The following CDH22 variants were observed in gnomAD, a reference collection of about 807,000 sequenced individuals.
The protein encoded by CDH22 is cadherin-22.
Under a neutral mutation model 58.4 loss-of-function variants are expected in CDH22, and 30 were observed. That is an observed-to-expected ratio of 0.51 (90% CI 0.38 to 0.70). The LOEUF (loss-of-function observed/expected upper bound fraction) is 0.70, where lower values mean the gene tolerates loss of function less well. Among genes scored for constraint, CDH22 ranks in the 30% least tolerant of loss-of-function variants. The pLI, the probability that CDH22 is intolerant of heterozygous loss-of-function variation, is 0.00. For missense variants in CDH22, 1,014 were observed against 1,233.9 expected, an observed-to-expected ratio of 0.82 and a Z score of 2.67; for synonymous variants, 513 against 558.2, an observed-to-expected ratio of 0.92 and a Z score of 1.14.
chr20:46,233,790 A>G (rs1002157214), intron 3 of CDH22, among the ~76,000 whole-genome samples: 6 of 152,222 alleles, frequency 3.9e-5, no homozygotes, highest in African/African-American at 1.4e-4. Context: ...CCCCACCAGA[A>G]GCCTCCTGTC....
chr20:46,175,787 A>AAGACCTGC (rs1436022794), intron 11 of CDH22, among the ~76,000 whole-genome samples: 1 of 152,230 alleles, frequency 6.6e-6, no homozygotes, highest in Non-Finnish European at 1.5e-5. Flanking sequence ...GTGTTTTAAC[A>AAGACCTGC]AGACCTGCAG....
At position 46,272,963 on chromosome 20, in the gene CDH22, A is replaced by C. The variant is rs117258211; in HGVS notation, c.-399-21270T>G. 6.4e-3 allele frequency among the ~76,000 whole-genome samples: 974 copies of C among 152,314 alleles called. 2 individuals carry two copies. The highest frequency in any genetic ancestry group is 0.01 in the Non-Finnish European group (697 of 68,034). ...TCTGCATATGGCTGTGGGTGTTACC[A>C]TTCTGTGATTAAATAAAATTAAAGG... On this transcript the variant is annotated intron_variant, in intron 1 of 11. Coordinates refer to ENST00000537909, the MANE Select transcript of CDH22 (RefSeq NM_021248.3).
rs548132632 is a variant in CDH22 at position 46,277,506 on chromosome 20, C to T, written c.-399-25813G>A. On this transcript the variant is annotated intron_variant, in intron 1 of 11. Coordinates refer to ENST00000537909, the MANE Select transcript of CDH22 (RefSeq NM_021248.3). ...ATTTTTGTTTGGCTTTTTTCTCTAT[C>T]GTTCTTTGTTTTAACTAATAAACGT... is the stretch of plus-strand genomic sequence containing the variant. Among the ~76,000 whole-genome samples the T allele has an allele frequency of 5.9e-5, 9 of 152,196 alleles. No homozygotes were observed. In the East Asian group the frequency reaches 7.7e-4, roughly 13 times the overall value.
At chr20:46,205,519 TG>T (rs931570348) in intron 7 of CDH22, among the ~76,000 whole-genome samples, 1 of 152,174 alleles carries the variant, frequency 6.6e-6, no homozygotes, top group African/African-American at 2.4e-5. Flanking sequence ...CACCACACTG[TG>T]GAGTGCTGGG....
chr20:46,252,249 C>T (rs983213741), intron 1 of CDH22, among the ~76,000 whole-genome samples: 1 of 152,180 alleles, frequency 6.6e-6, no homozygotes, highest in African/African-American at 2.4e-5. Flanking sequence ...CTCGTACCCC[C>T]ACACCAGCTT....
At position 46,174,330 on chromosome 20, in the gene CDH22, C is replaced by G; in HGVS notation, c.*176G>C. On this transcript the variant is annotated 3_prime_UTR_variant, in exon 12 of 12. Coordinates refer to ENST00000537909, the MANE Select transcript of CDH22 (RefSeq NM_021248.3). The surrounding 1 kb of genome is among the most constrained non-coding windows in gnomAD (Gnocchi z 4.4). ...CGCACCTCTGGGCTCCAAAGCTGCA[C>G]CCCTAGAGGAGGAGGAATGGAAGAG... is the stretch of plus-strand genomic sequence containing the variant. 1.9e-6 allele frequency: 1 copy of G among 538,662 alleles called. No homozygotes were observed. Among genetic ancestry groups the G allele is most frequent in the Non-Finnish European group, 3.2e-6 (1 of 312,096 alleles). The allele number at this position is 538,662 out of a possible 1,614,324, so 33.4% of individuals were successfully genotyped here.
chr20:46,181,711 C>CT (rs11477703), intron 10 of CDH22, among the ~76,000 whole-genome samples: 1 of 107,014 alleles, frequency 9.3e-6, no homozygotes, highest in African/African-American at 3.5e-5. Context: ...TCTTTTCTTT[C>CT]TTTTTTTCCT....
intron 3 of CDH22, among the ~76,000 whole-genome samples, chr20:46,228,893 G>A (rs1054302068): frequency 1.3e-4 from 20 of 152,278 alleles, no homozygotes; most frequent in African/African-American, 4.6e-4. Context: ...CCAGCCCGCC[G>A]CCCGCCTCTC....
In CDH22 at chr20:46,174,136, T is replaced by C. The variant is rs975847397; in HGVS notation, c.*370A>G. 3.4e-6 allele frequency: 1 copy of C among 290,178 alleles called. No individual in the cohort carries two copies. The highest frequency in any genetic ancestry group is 6.3e-6 in the Non-Finnish European group (1 of 157,784). The allele number at this position is 290,178 out of a possible 1,614,324, so 18.0% of individuals were successfully genotyped here. ...CCTCTTAACTCTGATGGGGGAAACCTGGGGTGGGGGCATCTCAGCGGCGTG... is the reference window on the plus strand; with the variant it reads ...CCTCTTAACTCTGATGGGGGAAACCCGGGGTGGGGGCATCTCAGCGGCGTG... On this transcript the variant is annotated 3_prime_UTR_variant, in exon 12 of 12. Coordinates refer to ENST00000537909, the MANE Select transcript of CDH22 (RefSeq NM_021248.3). This position sits in a 1 kb window ranked among gnomAD's most constrained non-coding sequence, Gnocchi z 4.4.
chr20:46,204,094 C>T (rs1453710974), intron 7 of CDH22, among the ~76,000 whole-genome samples: 1 of 151,998 alleles, frequency 6.6e-6, no homozygotes, highest in Non-Finnish European at 1.5e-5. Flanking sequence ...GTTTCCTTCT[C>T]TTAAAAATGG....
chr20:46,190,825 G>T (rs924801238), intron 8 of CDH22, among the ~76,000 whole-genome samples: 1 of 152,144 alleles, frequency 6.6e-6, no homozygotes, highest in African/African-American at 2.4e-5. Context: ...AGCCCCGGGG[G>T]TCTGAGGGAC....
At chr20:46,195,296 G>A (rs1359556239) in intron 8 of CDH22, among the ~76,000 whole-genome samples, 1 of 152,230 alleles carries the variant, frequency 6.6e-6, no homozygotes, top group Non-Finnish European at 1.5e-5. Context: ...TGCAGGTATA[G>A]ACTGGGCCCT....
At chr20:46,280,686 C>G (rs1216262506) in intron 1 of CDH22, among the ~76,000 whole-genome samples, 1 of 152,214 alleles carries the variant, frequency 6.6e-6, no homozygotes, top group Non-Finnish European at 1.5e-5. Flanking sequence ...TCAGGGAGAC[C>G]TGGATTTGAA....
At chr20:46,222,447 C>A (rs1047067405) in intron 4 of CDH22, among the ~76,000 whole-genome samples, 2 of 152,244 alleles carry the variant, frequency 1.3e-5, no homozygotes, top group Admixed American at 1.3e-4. Flanking sequence ...GGATCTGGCA[C>A]TTAGAAGGTG....
chr20:46,198,236 G>T (rs537813545), intron 8 of CDH22, among the ~76,000 whole-genome samples: 2 of 145,400 alleles, frequency 1.4e-5, no homozygotes, highest in East Asian at 4.2e-4. Context: ...CATGTCTCAG[G>T]CTCTCTCTCT....
At chr20:46,186,298 G>A (rs1360435110) in intron 10 of CDH22, among the ~76,000 whole-genome samples, 1 of 151,868 alleles carries the variant, frequency 6.6e-6, no homozygotes, top group Non-Finnish European at 1.5e-5. Context: ...CAGAACGGGG[G>A]CTCTTTCCAC....
intron 1 of CDH22, among the ~76,000 whole-genome samples, chr20:46,299,232 G>C (rs188019093): frequency 3.9e-5 from 6 of 152,260 alleles, no homozygotes; most frequent in Admixed American, 2.6e-4. Flanking sequence ...CCTTTGCCAA[G>C]CTCCTCCTCT....
At chr20:46,305,091 G>A (rs1009613122) in intron 1 of CDH22, among the ~76,000 whole-genome samples, 11 of 152,170 alleles carry the variant, frequency 7.2e-5, no homozygotes, top group Non-Finnish European at 1.6e-4. Context: ...TTTCCAAGCA[G>A]CCACTGTGTA....
chr20:46,278,305 T>C (rs538232150), intron 1 of CDH22, among the ~76,000 whole-genome samples: 6 of 152,326 alleles, frequency 3.9e-5, no homozygotes, highest in Admixed American at 3.9e-4. Context: ...GCCTCTTGGT[T>C]CTGTGCATCT....
Sources: allele counts gnomAD v4.1 joint callset (sites outside exome capture counted in the v4.1 genomes callset), GRCh38; gene constraint gnomAD v4.1.1; non-coding constraint Gnocchi (gnomAD v3.1); transcripts MANE v1.5; gene names NCBI Gene and HGNC (gene_info 2026-07-23, HGNC 2026-07-21).